The following COG5 variants were observed in gnomAD, a reference collection of about 807,000 sequenced individuals.
COG5 encodes component of oligomeric golgi complex 5.
COG5 carries 86 observed loss-of-function variants against 110.4 expected under a neutral mutation model. The observed-to-expected ratio is 0.78, with a 90% confidence interval of 0.65 to 0.93. The LOEUF (loss-of-function observed/expected upper bound fraction) is 0.93, where lower values mean the gene tolerates loss of function less well. Ranked by LOEUF, COG5 falls within the 40% of genes least tolerant of loss-of-function variation. The pLI is 0.00. For missense variants in COG5, 1,077 were observed against 987.0 expected, an observed-to-expected ratio of 1.09 and a Z score of -1.22; for synonymous variants, 360 against 334.6, an observed-to-expected ratio of 1.08 and a Z score of -0.83.
At chr7:107,448,558 C>T (rs546321619) in intron 6 of COG5, among the ~76,000 whole-genome samples, 1 of 152,132 alleles carries the variant, frequency 6.6e-6, no homozygotes, top group Non-Finnish European at 1.5e-5. Context: ...GATATCTGTC[C>T]TATTTCCCCC....
chr7:107,348,173 C>CATCTATTT (rs940796790), intron 10 of COG5, among the ~76,000 whole-genome samples: 26 of 145,692 alleles, frequency 1.8e-4, no homozygotes, highest in Non-Finnish European at 3.0e-4. Flanking sequence ...ACTCTTTCTA[C>CATCTATTT]ATCTATTTTG....
chr7:107,373,445 G>A (rs1814362487), intron 7 of COG5, among the ~76,000 whole-genome samples: 2 of 152,290 alleles, frequency 1.3e-5, no homozygotes, highest in Non-Finnish European at 1.5e-5. Context: ...ATTAGTCAGA[G>A]AATGCACCTC....
intron 11 of COG5, among the ~76,000 whole-genome samples, chr7:107,310,428 A>G (rs1808121748): frequency 6.6e-6 from 1 of 152,232 alleles, no homozygotes; most frequent in South Asian, 2.1e-4. Context: ...CATCAGTATT[A>G]TTCTGCTAGT....
At chr7:107,324,142 C>A (rs1161468199) in intron 11 of COG5, among the ~76,000 whole-genome samples, 1 of 152,088 alleles carries the variant, frequency 6.6e-6, no homozygotes, top group Non-Finnish European at 1.5e-5. Flanking sequence ...GCTTTACACA[C>A]TCTACGTAGG....
At chr7:107,380,584 A>G (rs1815032094) in intron 7 of COG5, among the ~76,000 whole-genome samples, 1 of 152,230 alleles carries the variant, frequency 6.6e-6, no homozygotes, top group African/African-American at 2.4e-5. Context: ...AAATTCCTGG[A>G]CACATACACC....
chr7:107,204,989 TATTA>T (rs1798654263), intron 21 of COG5, among the ~76,000 whole-genome samples: 1 of 152,214 alleles, frequency 6.6e-6, no homozygotes, highest in South Asian at 2.1e-4. Flanking sequence ...TACCAAATCC[TATTA>T]ATTTGCTACA....
intron 7 of COG5, among the ~76,000 whole-genome samples, chr7:107,401,670 G>A (rs1034318049): frequency 1.3e-5 from 2 of 152,130 alleles, no homozygotes; most frequent in Non-Finnish European, 2.9e-5. Context: ...TCTAGTTAGT[G>A]GTAAAAACAA....
chr7:107,548,496 G>C (rs1802639102), intron 3 of COG5, among the ~76,000 whole-genome samples, 164 bp from the exon 4 acceptor site: 1 of 152,120 alleles, frequency 6.6e-6, no homozygotes, highest in Non-Finnish European at 1.5e-5. Context: ...GTAAAAGCCT[G>C]TAACTGGTCT....
intron 14 of COG5, among the ~76,000 whole-genome samples, chr7:107,261,089 G>A (rs1366749549): frequency 6.6e-6 from 1 of 151,930 alleles, no homozygotes; most frequent in Non-Finnish European, 1.5e-5. Flanking sequence ...AGGAACCCGC[G>A]TACAGGAAAA....
chr7:107,489,454 C>T (rs1797855220), intron 6 of COG5, among the ~76,000 whole-genome samples: 1 of 152,086 alleles, frequency 6.6e-6, no homozygotes. Flanking sequence ...TGTTATAACC[C>T]TACCCAAATT....
intron 10 of COG5, among the ~76,000 whole-genome samples, chr7:107,340,513 CCTCCCTAACTCATAATAT>C (rs1457660150): frequency 6.6e-6 from 1 of 152,056 alleles, no homozygotes; most frequent in Non-Finnish European, 1.5e-5. Context: ...TTGAGGGACT[CCTCCCTAACTCATAATAT>C]GATGCCAGCA....
intron 19 of COG5, among the ~76,000 whole-genome samples, chr7:107,216,044 A>G (rs79685727): frequency 0.011 from 1,601 of 152,224 alleles, 16 homozygotes; most frequent in Non-Finnish European, 0.016. Context: ...ACAAAGAATA[A>G]AAGTGAAAGT....
At chr7:107,514,015 T>C (rs528003634) in intron 6 of COG5, among the ~76,000 whole-genome samples, 3 of 152,052 alleles carry the variant, frequency 2.0e-5, no homozygotes, top group African/African-American at 4.8e-5. Flanking sequence ...AACCTGCACA[T>C]TGTGCACATG....
intron 5 of COG5, among the ~76,000 whole-genome samples, chr7:107,531,669 G>C (rs1221922304): frequency 2.7e-5 from 3 of 112,288 alleles, no homozygotes; most frequent in Admixed American, 9.0e-5. Context: ...CTGGGGTTTT[G>C]CTTTTTTTTT....
At position 107,474,103 on chromosome 7, in the gene COG5, T is replaced by A; in HGVS notation, c.538+53134A>T. 1 of 1,601,446 alleles carries A rather than the reference T, an allele frequency of 6.2e-7. No individual in the cohort carries two copies. The highest frequency in any genetic ancestry group is 8.5e-7 in the Non-Finnish European group (1 of 1,172,640). Reference sequence around the variant, plus strand: ...TCTGGAAATCAACATGCAGTCTGAATCTAACATTACAGTGCGAGATGACAT... The same window carrying A: ...TCTGGAAATCAACATGCAGTCTGAAACTAACATTACAGTGCGAGATGACAT... On this transcript the variant is annotated intron_variant, in intron 6 of 21. Coordinates refer to ENST00000297135, the MANE Select transcript of COG5 (RefSeq NM_006348.5). This position sits in a 1 kb window ranked among gnomAD's most constrained non-coding sequence, Gnocchi z 5.7.
chr7:107,494,632 G>A (rs558543156), intron 6 of COG5, among the ~76,000 whole-genome samples: 1 of 152,282 alleles, frequency 6.6e-6, no homozygotes, highest in South Asian at 2.1e-4. Context: ...TACACTCTAT[G>A]ATGTTTACAC....
chr7:107,463,366 C>T (rs1484923820), intron 6 of COG5, among the ~76,000 whole-genome samples: 1 of 152,150 alleles, frequency 6.6e-6, no homozygotes, highest in African/African-American at 2.4e-5. Context: ...AGTCATGGAG[C>T]CTTTAACCAA....
intron 14 of COG5, among the ~76,000 whole-genome samples, chr7:107,280,611 A>G (rs894891495): frequency 7.1e-6 from 1 of 141,166 alleles, no homozygotes; most frequent in African/African-American, 2.6e-5. Context: ...CAATAATGGT[A>G]AAAAAAAAAT....
intron 5 of COG5, among the ~76,000 whole-genome samples, chr7:107,547,258 T>G (rs1172038369): frequency 6.6e-6 from 1 of 151,838 alleles, no homozygotes; most frequent in South Asian, 2.1e-4. Flanking sequence ...ACTAACAGAA[T>G]GAAAGACAAA....
Sources: allele counts gnomAD v4.1 joint callset (sites outside exome capture counted in the v4.1 genomes callset), GRCh38; gene constraint gnomAD v4.1.1; non-coding constraint Gnocchi (gnomAD v3.1); transcripts MANE v1.5; gene names NCBI Gene and HGNC (gene_info 2026-07-23, HGNC 2026-07-21).